RIPOR2: variants seen among roughly 807,000 people sequenced by gnomAD.
The protein encoded by RIPOR2 is RHO family interacting cell polarization regulator 2, also known as rho family-interacting cell polarization regulator 2.
In RIPOR2, 39 loss-of-function variants were observed where a neutral mutation model predicts 114.5. That is an observed-to-expected ratio of 0.34 (90% CI 0.26 to 0.44). The LOEUF is 0.44. RIPOR2 is among the 20% of genes least tolerant of loss of function. RIPOR2 has a pLI of 1.00. For synonymous variants in RIPOR2, 445 were observed against 484.4 expected, an observed-to-expected ratio of 0.92 and a Z score of 1.07; for missense variants, 1,007 against 1,255.1, an observed-to-expected ratio of 0.80 and a Z score of 2.99.
chr6:24,932,459 C>T (rs934771319), intron 1 of RIPOR2, among the ~76,000 whole-genome samples: 4 of 151,900 alleles, frequency 2.6e-5, no homozygotes, highest in Non-Finnish European at 5.9e-5. Flanking sequence ...TTCTCTTTCT[C>T]TCTCACTATA....
At chr6:24,959,523 T>A (rs901263586) in intron 1 of RIPOR2, among the ~76,000 whole-genome samples, 2 of 152,202 alleles carry the variant, frequency 1.3e-5, no homozygotes, top group Admixed American at 6.5e-5. Flanking sequence ...TAACCACGGA[T>A]GTAGTGCTGA....
intron 13 of RIPOR2, among the ~76,000 whole-genome samples, chr6:24,841,004 TATTGGTC>T (rs1429298271): frequency 6.6e-6 from 1 of 152,186 alleles, no homozygotes; most frequent in Non-Finnish European, 1.5e-5. Context: ...TGTGTTTAAA[TATTGGTC>T]ATGACAAAGA....
At chr6:24,882,900 C>A (rs1044486387) in intron 1 of RIPOR2, among the ~76,000 whole-genome samples, 1 of 152,042 alleles carries the variant, frequency 6.6e-6, no homozygotes, top group East Asian at 1.9e-4. Flanking sequence ...CTAATGAGTC[C>A]GCATTACATG....
chr6:24,962,900 AG>A (rs1487300142), intron 1 of RIPOR2, among the ~76,000 whole-genome samples: 1 of 152,194 alleles, frequency 6.6e-6, no homozygotes, highest in Non-Finnish European at 1.5e-5. Context: ...GAATGACTCA[AG>A]GTATCTTTGT....
At chr6:24,982,643 C>T (rs559437929) in intron 1 of RIPOR2, among the ~76,000 whole-genome samples, 1 of 152,134 alleles carries the variant, frequency 6.6e-6, no homozygotes, top group African/African-American at 2.4e-5. Flanking sequence ...GGCTTATGTG[C>T]CTATGCTTCT....
intron 12 of RIPOR2, among the ~76,000 whole-genome samples, chr6:24,845,228 G>C (rs981149592): frequency 2.0e-5 from 3 of 152,060 alleles, no homozygotes; most frequent in African/African-American, 7.2e-5. Flanking sequence ...GGTGTGGTGG[G>C]CTCTGGTGCT....
chr6:25,035,800 G>A (rs74785867), intron 1 of RIPOR2, among the ~76,000 whole-genome samples: 7,915 of 152,266 alleles, frequency 0.052, 256 homozygotes, highest in Non-Finnish European at 0.067. Flanking sequence ...GCAGATGGAG[G>A]ACTGTGGGAG....
At chr6:24,898,386 T>A (rs1768092554) in intron 1 of RIPOR2, 2 of 152,158 alleles carry the variant, frequency 1.3e-5, no homozygotes. Context: ...AGGAGGTAAG[T>A]CATCTTCAAC....
At chr6:24,907,443 G>A (rs1462492768) in intron 1 of RIPOR2, among the ~76,000 whole-genome samples, 1 of 152,164 alleles carries the variant, frequency 6.6e-6, no homozygotes, top group Admixed American at 6.5e-5. Context: ...TTTGTAGATA[G>A]CCTGCCGCAC....
intron 1 of RIPOR2, among the ~76,000 whole-genome samples, chr6:24,941,488 A>G (rs1328356205): frequency 6.6e-6 from 1 of 152,208 alleles, no homozygotes; most frequent in Non-Finnish European, 1.5e-5. Flanking sequence ...TTCACTTTGA[A>G]TCAGTAAAAT....
At chr6:25,009,529 A>G (rs1481585657) in intron 1 of RIPOR2, among the ~76,000 whole-genome samples, 1 of 152,206 alleles carries the variant, frequency 6.6e-6, no homozygotes, top group Non-Finnish European at 1.5e-5. Context: ...CTTCATTCAA[A>G]ACCATGAAAC....
chr6:24,811,657 CTTT>C (rs1222503239), intron 20 of RIPOR2, among the ~76,000 whole-genome samples: 2,618 of 21,608 alleles, frequency 0.12, 348 homozygotes, highest in African/African-American at 0.16. Flanking sequence ...TCGTTTAGTA[CTTT>C]TTTTTTTTTT....
intron 1 of RIPOR2, chr6:25,024,352 A>T: frequency 7.0e-7 from 1 of 1,430,038 alleles, no homozygotes; most frequent in East Asian, 2.3e-5. Context: ...GCTTCCTCGA[A>T]GTCTTCCTTC....
intron 1 of RIPOR2, among the ~76,000 whole-genome samples, chr6:24,935,459 A>G (rs2114161922): frequency 6.6e-6 from 1 of 152,092 alleles, no homozygotes; most frequent in East Asian, 1.9e-4. Flanking sequence ...TGGTCCATTT[A>G]TTTAACTTCT....
At chr6:24,830,435 C>A (rs912897206) in intron 17 of RIPOR2, 74 bp downstream of exon 17, 12 of 1,292,040 alleles carry the variant, frequency 9.3e-6, no homozygotes, top group Non-Finnish European at 1.3e-5. Context: ...GAGGACCCCT[C>A]TCCCCCGACC....
At position 24,991,570 on chromosome 6, in the gene RIPOR2, G is replaced by A. The variant is rs1170634895; in HGVS notation, c.76+50281C>T. On this transcript the variant is annotated intron_variant, in intron 1 of 13. Transcript: ENST00000510784. ...GGACATCTATGCACAGTGGCTGAAC[G>A]CCATCCATGAAATCCCACCTATGGG... Among the ~76,000 whole-genome samples the A allele has an allele frequency of 2.0e-5, 3 of 152,100 alleles. No individual in the cohort carries two copies. In the East Asian group the frequency reaches 5.8e-4, roughly 29 times the overall value.
At chr6:24,891,751 A>T (rs1416401273) in intron 1 of RIPOR2, among the ~76,000 whole-genome samples, 1 of 141,474 alleles carries the variant, frequency 7.1e-6, no homozygotes, top group African/African-American at 3.1e-5. Context: ...AACTCCTGTA[A>T]TCACACCAAG....
At chr6:24,865,552 C>T in intron 6 of RIPOR2, 102 bp from the exon 7 acceptor site, 1 of 951,698 alleles carries the variant, frequency 1.1e-6, no homozygotes, top group Non-Finnish European at 1.5e-6. Context: ...CTGACCTCTA[C>T]AAAGAGAATC....
chr6:24,839,743 C>A, intron 13 of RIPOR2: 3 of 1,435,584 alleles, frequency 2.1e-6, no homozygotes, highest in African/African-American at 2.9e-5. Context: ...CACAAGCAGA[C>A]AAATTTTAAG....
Sources: allele counts gnomAD v4.1 joint callset (sites outside exome capture counted in the v4.1 genomes callset), GRCh38; gene constraint gnomAD v4.1.1; transcripts MANE v1.5; gene names NCBI Gene and HGNC (gene_info 2026-07-23, HGNC 2026-07-21).